Variants in LRRK1 observed in about 807,000 individuals in gnomAD.
The protein encoded by LRRK1 is leucine-rich repeat serine/threonine-protein kinase 1.
A neutral mutation model predicts 209.1 loss-of-function variants in LRRK1; 113 were observed. The ratio of observed to expected loss-of-function variants is 0.54; its 90% CI spans 0.46 to 0.63. The LOEUF (loss-of-function observed/expected upper bound fraction) is 0.63, where lower values mean the gene tolerates loss of function less well. Among genes scored for constraint, LRRK1 ranks in the 30% least tolerant of loss-of-function variants. The pLI, the probability that LRRK1 is intolerant of heterozygous loss-of-function variation, is 0.00. For missense variants in LRRK1, 2,284 were observed against 2,632.2 expected, an observed-to-expected ratio of 0.87 and a Z score of 2.89; for synonymous variants, 1,144 against 1,099.7, an observed-to-expected ratio of 1.04 and a Z score of -0.80.
chr15:101,057,061 A>G lies in LRRK1; in HGVS notation c.4527+11A>G, dbSNP rs2924845. 0.41 allele frequency: 655,439 copies of G among 1,580,560 alleles called. 141,987 individuals are homozygous for G. The highest frequency in any genetic ancestry group is 0.79 in the East Asian group (34,693 of 43,664). ...ACTAAGCCAGAGAAGGTACTTGGGGACACAGAGCCCAGGGCCTGGGACCTC... is the reference window on the plus strand; with the variant it reads ...ACTAAGCCAGAGAAGGTACTTGGGGGCACAGAGCCCAGGGCCTGGGACCTC... On this transcript the variant is annotated intron_variant, in intron 28 of 33. Coordinates refer to ENST00000388948, the MANE Select transcript of LRRK1 (RefSeq NM_024652.6).
rs545210258 is a variant in LRRK1, at chr15:100,998,284, C to T, written c.762+8886C>T. Among the ~76,000 whole-genome samples the T allele has an allele frequency of 2.4e-4, 36 of 152,100 alleles. No individual in the cohort carries two copies. The South Asian group carries it at 6.7e-3, about 28-fold the overall frequency. Reference sequence around the variant, plus strand: ...CAGACCACGCCTAGCCAGGAAAAAGCGAGCCTGCCTCCTCAGCACTCAGCA... The same window carrying T: ...CAGACCACGCCTAGCCAGGAAAAAGTGAGCCTGCCTCCTCAGCACTCAGCA... On this transcript the variant is annotated intron_variant, in intron 6 of 33. Coordinates refer to ENST00000388948, the MANE Select transcript of LRRK1 (RefSeq NM_024652.6).
chr15:100,973,075 G>T (rs2031030095), intron 2 of LRRK1, among the ~76,000 whole-genome samples: 1 of 152,348 alleles, frequency 6.6e-6, no homozygotes, highest in East Asian at 1.9e-4. Flanking sequence ...CTTTCCCTCG[G>T]CTCCTCCTGC....
At chr15:101,047,034 C>T (rs912673731) in intron 21 of LRRK1, among the ~76,000 whole-genome samples, 2 of 152,202 alleles carry the variant, frequency 1.3e-5, no homozygotes. Flanking sequence ...CAGGGGGAAC[C>T]CCGCACTGGT....
intron 2 of LRRK1, among the ~76,000 whole-genome samples, chr15:100,929,479 T>C (rs745740090): frequency 2.6e-5 from 4 of 152,188 alleles, no homozygotes; most frequent in Non-Finnish European, 4.4e-5. Context: ...CGAATCTGTA[T>C]TTGAAATACA....
intron 6 of LRRK1, among the ~76,000 whole-genome samples, chr15:101,004,552 G>A (rs1221547017): frequency 1.3e-5 from 2 of 152,180 alleles, no homozygotes; most frequent in South Asian, 2.1e-4. Flanking sequence ...TGTGCAGTCC[G>A]GGTTCCGGTT....
chr15:101,042,529 G>A (rs901347163), intron 20 of LRRK1, among the ~76,000 whole-genome samples: 8 of 151,780 alleles, frequency 5.3e-5, no homozygotes, highest in African/African-American at 1.7e-4. Flanking sequence ...CCATCCTCCT[G>A]TGGCTTTTAC....
intron 1 of LRRK1, among the ~76,000 whole-genome samples, chr15:100,922,481 C>G (rs2042037064): frequency 6.6e-6 from 1 of 151,650 alleles, no homozygotes; most frequent in African/African-American, 2.4e-5. Flanking sequence ...TATGGTAAGA[C>G]ACTTCTGTTT....
Position 101,069,199 on chromosome 15 carries a change from G to A in LRRK1, c.*351G>A, listed in dbSNP as rs143211300. The A allele has an allele frequency of 8.7e-3, 1,550 of 177,356 alleles. 47 individuals are homozygous for A. The highest frequency in any genetic ancestry group is 0.066 in the Admixed American group (1,092 of 16,540). The allele number at this position is 177,356 out of a possible 1,614,324, so 11.0% of individuals were successfully genotyped here. A position where few individuals can be genotyped will look rare whatever the true frequency, so the allele number is the denominator to read the frequency against. On this transcript the variant is annotated 3_prime_UTR_variant, in exon 34 of 34. Transcript: ENST00000388948. The stretch of plus-strand genomic sequence containing the variant: ...GAGCTGGGTCAAACAAAGCAGGGCC[G>A]GGCCTTCCTGCCATCCCCAGGTCTC...
At chr15:101,038,277 T>C (rs1387084364) in intron 20 of LRRK1, among the ~76,000 whole-genome samples, 1 of 152,214 alleles carries the variant, frequency 6.6e-6, no homozygotes, top group Non-Finnish European at 1.5e-5. Context: ...TGTACACTGC[T>C]CAGGTGATGG....
Position 101,075,414 on chromosome 15 carries a change from T to C in LRRK1, c.*6566T>C, listed in dbSNP as rs1455759713. On this transcript the variant is annotated 3_prime_UTR_variant, in exon 34 of 34. Coordinates refer to ENST00000388948, the MANE Select transcript of LRRK1 (RefSeq NM_024652.6). ...GCCTCCTTTGTGTCCTCCTCTTGTA[T>C]CCCCCGACCTTAACCCATAAGTATA... is the stretch of plus-strand genomic sequence containing the variant. The C allele has an allele frequency of 8.2e-6, 1 of 122,274 alleles. No homozygotes were observed. The highest frequency in any genetic ancestry group is 3.8e-5 in the African/African-American group (1 of 26,642). The allele number at this position is 122,274 out of a possible 1,614,324, so 7.6% of individuals were successfully genotyped here.
chr15:101,040,588 T>C (rs1335396769), intron 20 of LRRK1, among the ~76,000 whole-genome samples: 1 of 152,214 alleles, frequency 6.6e-6, no homozygotes, highest in East Asian at 1.9e-4. Context: ...TTGTTCTTCC[T>C]TCTTAAGGTA....
chr15:101,057,883 G>C (rs1034225684), intron 28 of LRRK1, 107 bp from the exon 29 acceptor site: 280 of 1,229,262 alleles, frequency 2.3e-4, no homozygotes, highest in Non-Finnish European at 3.1e-4. Flanking sequence ...TGAATGAACA[G>C]AATCCCTCAT....
chr15:100,952,889 A>G (rs2042682339), intron 2 of LRRK1, among the ~76,000 whole-genome samples: 2 of 152,168 alleles, frequency 1.3e-5, no homozygotes, highest in South Asian at 4.1e-4. Context: ...AAGATCTTTT[A>G]ACAGAATCTA....
rs1304862195 is a variant in LRRK1 at position 101,027,749 on chromosome 15, G to C, written c.2638G>C (p.Glu880Gln). 1 of 1,606,160 alleles carries C rather than the reference G, an allele frequency of 6.2e-7. No individual in the cohort carries two copies. The highest frequency in any genetic ancestry group is 1.7e-5 in the Admixed American group (1 of 58,656). ...GGACAGGCAGCTGGAGCAGCTGGTG[G>C]AGCAGACGCCCGACAACGACATCAA... ...LTDRQLEQLV[E>Q]QTPDNDIKDY... Residue 880 changes from glutamate (E) to glutamine (Q), a missense_variant, in exon 19 of 34, where the codon GAG (glutamate) becomes CAG (glutamine). Glu to Gln is a conservative substitution (Grantham distance 29). Coordinates refer to ENST00000388948, the MANE Select transcript of LRRK1 (RefSeq NM_024652.6). This position sits in a 1 kb window ranked among gnomAD's most constrained non-coding sequence, Gnocchi z 5.1.
intron 1 of LRRK1, 120 bp from the exon 2 acceptor site, chr15:100,924,391 T>G: frequency 1.9e-6 from 1 of 518,888 alleles, no homozygotes; most frequent in Non-Finnish European, 3.5e-6. Context: ...TTTGGCTGGA[T>G]AGATGGACTA....
chr15:100,927,107 C>T (rs1341965695), intron 2 of LRRK1, among the ~76,000 whole-genome samples: 1 of 152,186 alleles, frequency 6.6e-6, no homozygotes, highest in Admixed American at 6.5e-5. Context: ...GTGCACATGT[C>T]CCCTGGGGAT....
chr15:100,949,501 T>C (rs993110762), intron 2 of LRRK1, among the ~76,000 whole-genome samples: 3 of 152,236 alleles, frequency 2.0e-5, no homozygotes, highest in Non-Finnish European at 2.9e-5. Context: ...CAATAAAATA[T>C]GGAAGAATAC....
chr15:101,061,710 A>T (rs926073129), intron 30 of LRRK1, among the ~76,000 whole-genome samples: 1 of 152,218 alleles, frequency 6.6e-6, no homozygotes, highest in East Asian at 1.9e-4. Flanking sequence ...AACTGGCCAA[A>T]CACAAATGTT....
At chr15:100,970,742 G>C (rs944423302) in intron 2 of LRRK1, among the ~76,000 whole-genome samples, 1 of 152,002 alleles carries the variant, frequency 6.6e-6, no homozygotes, top group African/African-American at 2.4e-5. Context: ...ATCATAGTTG[G>C]GATTATTGAA....
Sources: allele counts gnomAD v4.1 joint callset (sites outside exome capture counted in the v4.1 genomes callset), GRCh38; gene constraint gnomAD v4.1.1; non-coding constraint Gnocchi (gnomAD v3.1); transcripts MANE v1.5; gene names NCBI Gene and HGNC (gene_info 2026-07-23, HGNC 2026-07-21).